The following FBXO11 variants were observed in gnomAD, a reference collection of about 807,000 sequenced individuals.
The protein encoded by FBXO11 is F-box only protein 11.
In FBXO11, 13 loss-of-function variants were observed where a neutral mutation model predicts 117.0. That is an observed-to-expected ratio of 0.11 (90% CI 0.07 to 0.18). FBXO11 has a LOEUF of 0.18. Ranked by LOEUF, FBXO11 falls within the 10% of genes least tolerant of loss-of-function variation. The pLI is 1.00. For missense variants in FBXO11, 767 were observed against 1,164.4 expected, an observed-to-expected ratio of 0.66 and a Z score of 4.97; for synonymous variants, 490 against 380.5, an observed-to-expected ratio of 1.29 and a Z score of -3.35.
In FBXO11 at chr2:47,855,706, C is replaced by T. The variant is rs1674237658; in HGVS notation, c.233-15937G>A. ...AATCAGCCAGGCATGGTGGTGCATG[C>T]CTATAATCACAGCTACTTGGGAGGC... On this transcript the variant is annotated intron_variant, in intron 1 of 22. Transcript: ENST00000403359. Among the ~76,000 whole-genome samples the T allele has an allele frequency of 3.3e-5, 5 of 152,148 alleles. No homozygotes were observed. The South Asian group carries it at 1.0e-3, about 32-fold the overall frequency.
In FBXO11 at chr2:47,900,640, GTATATA is replaced by G. The variant is rs1678084794; in HGVS notation, c.232+4843_232+4848del. Among the ~76,000 whole-genome samples the G allele has an allele frequency of 2.7e-5, 2 of 73,404 alleles. 1 individual carries two copies. The highest frequency in any genetic ancestry group is 6.3e-5 in the Non-Finnish European group (2 of 31,812). The allele number at this position is 73,404 out of a possible 152,430, so 48.2% of individuals were successfully genotyped here. A position where few individuals can be genotyped will look rare whatever the true frequency, so the allele number is the denominator to read the frequency against. ...TATACACACGTATACACACACGTAC[GTATATA>G]CACACGTATACACACACGTACGTAT... On this transcript the variant is annotated intron_variant, in intron 1 of 22. Coordinates refer to ENST00000403359, the MANE Select transcript of FBXO11 (RefSeq NM_001190274.2).
Position 47,806,999 on chromosome 2 carries a change from T to C in FBXO11, c.*1119A>G. 1.4e-6 allele frequency: 1 copy of C among 707,984 alleles called. No individual in the cohort carries two copies. Among genetic ancestry groups the C allele is most frequent in the Non-Finnish European group, 2.5e-6 (1 of 403,924 alleles). The allele number at this position is 707,984 out of a possible 1,614,324, so 43.9% of individuals were successfully genotyped here. A position where few individuals can be genotyped will look rare whatever the true frequency, so the allele number is the denominator to read the frequency against. ...TAGGAAATTAAACCCTTTTAATTCT[T>C]ATCTACCTTCTACATAATGGTTATT... On this transcript the variant is annotated 3_prime_UTR_variant, in exon 23 of 23. Transcript: ENST00000403359.
intron 1 of FBXO11, among the ~76,000 whole-genome samples, chr2:47,895,526 T>C (rs1677591313): frequency 6.6e-6 from 1 of 152,206 alleles, no homozygotes; most frequent in African/African-American, 2.4e-5. Flanking sequence ...GGGACACTTC[T>C]GGGATACTAG....
chr2:47,810,449 A>G (rs760540788), intron 18 of FBXO11, 23 bp from the exon 19 acceptor site: 1 of 1,470,902 alleles, frequency 6.8e-7, no homozygotes, highest in Non-Finnish European at 9.4e-7. Context: ...ATTTCCTTAG[A>G]TTAAGGCTAA....
At chr2:47,826,250 G>A (rs770384479) in intron 11 of FBXO11, among the ~76,000 whole-genome samples, 14 of 151,772 alleles carry the variant, frequency 9.2e-5, no homozygotes, top group Middle Eastern at 6.9e-3. Context: ...GTAGAGACAG[G>A]GTTTCACCAT....
intron 1 of FBXO11, among the ~76,000 whole-genome samples, chr2:47,848,302 T>C (rs1450680896): frequency 6.6e-6 from 1 of 152,236 alleles, no homozygotes; most frequent in East Asian, 1.9e-4. Flanking sequence ...CTCCGCCTCC[T>C]GTCAGATCAG....
chr2:47,843,976 A>G (rs1462369140), intron 1 of FBXO11, among the ~76,000 whole-genome samples: 1 of 152,040 alleles, frequency 6.6e-6, no homozygotes. Context: ...CCTGACCTCA[A>G]GGTATCTGCC....
Position 47,823,292 on chromosome 2 carries a change from G to A in FBXO11, c.1467C>T (p.Asn489=). Residue 489 remains asparagine (N), a synonymous_variant, in exon 12 of 23, where the codon AAC becomes AAT. Coordinates refer to ENST00000403359, the MANE Select transcript of FBXO11 (RefSeq NM_001190274.2). ...GAATTTCACATCGAACCACTGTAGG[G>A]TTAGCATAGGCTTTTACTTCAAAGC... is the stretch of plus-strand genomic sequence containing the variant. ...IAGFEVKAYA[N]PTVVRCEIHH... 6.2e-7 allele frequency: 1 copy of A among 1,613,892 alleles called. No homozygotes were observed.
intron 1 of FBXO11, among the ~76,000 whole-genome samples, chr2:47,864,532 A>T (rs1466846781): frequency 6.6e-6 from 1 of 152,258 alleles, no homozygotes; most frequent in Non-Finnish European, 1.5e-5. Context: ...GGTTGCAGTG[A>T]GCCAAGATCT....
At chr2:47,827,773 T>C (rs942973336) in intron 11 of FBXO11, among the ~76,000 whole-genome samples, 22 of 152,186 alleles carry the variant, frequency 1.4e-4, no homozygotes, top group Non-Finnish European at 8.8e-5. Context: ...CTTGGTTCAT[T>C]GCAACCTCCA....
At chr2:47,848,127 A>C (rs112051829) in intron 1 of FBXO11, among the ~76,000 whole-genome samples, 5,462 of 148,068 alleles carry the variant, frequency 0.037, 316 homozygotes, top group African/African-American at 0.13. Context: ...CCATCTCAAA[A>C]AAACAAACAA....
chr2:47,836,522 C>T (rs1258856271), intron 4 of FBXO11, among the ~76,000 whole-genome samples: 1 of 152,058 alleles, frequency 6.6e-6, no homozygotes, highest in Non-Finnish European at 1.5e-5. Context: ...GCACATGTTA[C>T]CCAGGCTGGT....
chr2:47,831,963 T>A (rs961782858), intron 11 of FBXO11, among the ~76,000 whole-genome samples: 1 of 152,220 alleles, frequency 6.6e-6, no homozygotes, highest in Admixed American at 6.5e-5. Context: ...TCACTTATGT[T>A]GTTTATTAAA....
intron 1 of FBXO11, among the ~76,000 whole-genome samples, chr2:47,898,042 T>C (rs970430886): frequency 3.3e-5 from 5 of 152,162 alleles, no homozygotes; most frequent in African/African-American, 7.2e-5. Context: ...TTTTTGAACA[T>C]AGCCCCATGA....
intron 1 of FBXO11, among the ~76,000 whole-genome samples, chr2:47,904,385 A>AC (rs952693255): frequency 7.2e-5 from 11 of 152,090 alleles, no homozygotes; most frequent in South Asian, 6.2e-4. Context: ...AAGGTGCAAC[A>AC]CCCCCCCTCA....
chr2:47,850,118 A>C (rs1673742587), intron 1 of FBXO11, among the ~76,000 whole-genome samples: 1 of 152,184 alleles, frequency 6.6e-6, no homozygotes, highest in African/African-American at 2.4e-5. Context: ...TGGATATATG[A>C]GATACAAGAT....
chr2:47,810,759 A>C (rs1355731412), intron 18 of FBXO11: 1 of 182,790 alleles, frequency 5.5e-6, no homozygotes, highest in African/African-American at 2.3e-5. Context: ...ATTCCTTTGA[A>C]ATATTTCTAG....
At chr2:47,819,489 C>CA (rs1328433873) in intron 14 of FBXO11, among the ~76,000 whole-genome samples, 4 of 152,212 alleles carry the variant, frequency 2.6e-5, no homozygotes, top group Admixed American at 6.5e-5. Flanking sequence ...GCTGGGATTA[C>CA]AGGTGTGAGC....
intron 1 of FBXO11, among the ~76,000 whole-genome samples, chr2:47,858,871 T>A (rs1406873099): frequency 6.7e-6 from 1 of 150,098 alleles, no homozygotes; most frequent in Admixed American, 6.6e-5. Context: ...AAACCCCGTC[T>A]CTACTAAAAA....
Sources: allele counts gnomAD v4.1 joint callset (sites outside exome capture counted in the v4.1 genomes callset), GRCh38; gene constraint gnomAD v4.1.1; transcripts MANE v1.5; gene names NCBI Gene and HGNC (gene_info 2026-07-23, HGNC 2026-07-21).